CEP63: variants seen among roughly 807,000 people sequenced by gnomAD.
The protein encoded by CEP63 is centrosomal protein of 63 kDa.
A neutral mutation model predicts 89.1 loss-of-function variants in CEP63; 84 were observed. The ratio of observed to expected loss-of-function variants is 0.94; its 90% CI spans 0.79 to 1.13. The LOEUF (loss-of-function observed/expected upper bound fraction) is 1.13, where lower values mean the gene tolerates loss of function less well. CEP63 is among the 50% of genes most tolerant of loss of function. The probability of loss-of-function intolerance (pLI) is 0.00; values close to 1 mark genes in which losing one functional copy is unlikely to be tolerated. For synonymous variants in CEP63, 267 were observed against 272.5 expected (o/e 0.98, Z 0.20); for missense variants, 838 against 813.3 (o/e 1.03, Z -0.37).
chr3:134,528,484 T>G (rs1361244509), intron 3 of CEP63, among the ~76,000 whole-genome samples: 1 of 152,176 alleles, frequency 6.6e-6, no homozygotes, highest in Admixed American at 6.5e-5. Context: ...TTTTTATAAT[T>G]CTGCAGGTGG....
chr3:134,742,407 G>T, the CEP63 span, among the ~76,000 whole-genome samples: 2 of 152,134 alleles, frequency 1.3e-5, no homozygotes, highest in Non-Finnish European at 2.9e-5. Flanking sequence ...ACCAGGAGAG[G>T]AAAGTAAGAG....
the CEP63 span, among the ~76,000 whole-genome samples, chr3:134,760,900 A>G: frequency 4.5e-3 from 681 of 152,246 alleles, 4 homozygotes; most frequent in African/African-American, 0.016. Context: ...TTAGTACCTC[A>G]GTGCCCACAG....
the CEP63 span, among the ~76,000 whole-genome samples, chr3:134,713,957 G>A: frequency 1.3e-5 from 2 of 152,194 alleles, no homozygotes; most frequent in African/African-American, 4.8e-5. Context: ...ACTGTCCGAG[G>A]CTGGATCCGC....
At chr3:134,539,366 C>CTA (rs775290078) in intron 6 of CEP63, among the ~76,000 whole-genome samples, 28 of 152,280 alleles carry the variant, frequency 1.8e-4, no homozygotes, top group Admixed American at 5.2e-4. Context: ...AACTGAAACT[C>CTA]TATACCATTC....
chr3:134,691,553 G>A, the CEP63 span, among the ~76,000 whole-genome samples: 1 of 151,954 alleles, frequency 6.6e-6, no homozygotes. Context: ...AGGAGGCAGA[G>A]GTTGCAGTGA....
chr3:134,606,991 T>A, the CEP63 span: 1 of 983,900 alleles, frequency 1.0e-6, no homozygotes, highest in Non-Finnish European at 1.2e-6. Flanking sequence ...AAATACTCTG[T>A]ACATAAGTAT....
At chr3:134,660,523 C>T in the CEP63 span, among the ~76,000 whole-genome samples, 2 of 152,166 alleles carry the variant, frequency 1.3e-5, no homozygotes, top group African/African-American at 2.4e-5. Context: ...TCATTATTTG[C>T]CCCCAAGGAT....
In CEP63 at chr3:134,550,112, A is replaced by C. The variant is rs754947264; in HGVS notation, c.1232A>C (p.Glu411Ala). ...QGEQSYSSAL[E>A]GMKMEISHLT... ...GAACAAAGTTACAGTTCTGCACTAG[A>C]AGGAATGAAGATGGAAATCTCCCAT... Residue 411 changes from glutamate (E) to alanine (A), a missense_variant, in exon 11 of 15, where the codon GAA becomes GCA. Transcript: ENST00000675561. 2 of 1,614,032 alleles carry C rather than the reference A, an allele frequency of 1.2e-6. No individual in the cohort carries two copies. The highest frequency in any genetic ancestry group is 1.7e-6 in the Non-Finnish European group (2 of 1,179,910).
the CEP63 span, among the ~76,000 whole-genome samples, chr3:134,729,439 A>T: frequency 1.3e-5 from 2 of 152,232 alleles, no homozygotes; most frequent in Non-Finnish European, 2.9e-5. Context: ...GCTCATTTTT[A>T]ATGCCTGCAT....
Position 134,587,565 on chromosome 3 carries a change from G to A in CEP63, c.1314G>A (p.Pro438=), listed in dbSNP as rs538609781. 3.2e-4 allele frequency among the ~76,000 whole-genome samples: 48 copies of A among 152,214 alleles called. No homozygotes were observed. In the South Asian group the frequency reaches 5.4e-3, roughly 17 times the overall value. The change falls in exon 11 of 11, where the codon CCG becomes CCA. Residue 438 remains proline (P), a synonymous_variant. Coordinates refer to the CEP63 transcript ENST00000683931. ...AATATTGCTGCCTGATCCTTCCCCC[G>A]GAAGCTTCATCCCAGAGGGGCACCT... is the stretch of plus-strand genomic sequence containing the variant.
chr3:134,506,973 A>G (rs1943618195), intron 2 of CEP63, 136 bp from the exon 3 acceptor site: 1 of 540,368 alleles, frequency 1.9e-6, no homozygotes, highest in Non-Finnish European at 3.3e-6. Context: ...TGCTTCTGGT[A>G]ATTTATTAAT....
At chr3:134,612,272 C>T in the CEP63 span, among the ~76,000 whole-genome samples, 2 of 152,174 alleles carry the variant, frequency 1.3e-5, no homozygotes, top group African/African-American at 2.4e-5. Context: ...GGACAGACTG[C>T]AAGAGAAACT....
the CEP63 span, chr3:134,608,519 T>C: frequency 6.3e-7 from 1 of 1,579,730 alleles, no homozygotes; most frequent in East Asian, 2.3e-5. Context: ...ACACAAGCTT[T>C]GTGCTAAGCT....
downstream of CEP63, among the ~76,000 whole-genome samples, chr3:134,567,230 A>G (rs77895637): frequency 9.7e-3 from 1,479 of 151,984 alleles, 43 homozygotes; most frequent in East Asian, 0.068. Context: ...AGAGATAGAA[A>G]ATAGATTGGT....
At chr3:134,534,540 G>A (rs1302974644) in intron 5 of CEP63, among the ~76,000 whole-genome samples, 2 of 152,010 alleles carry the variant, frequency 1.3e-5, no homozygotes, top group Non-Finnish European at 2.9e-5. Context: ...TCGGTCCTTA[G>A]CCAGCTTTTA....
the CEP63 span, among the ~76,000 whole-genome samples, chr3:134,652,581 C>G: frequency 2.0e-5 from 3 of 151,674 alleles, no homozygotes; most frequent in African/African-American, 7.3e-5. Context: ...TGGCTGACTT[C>G]CAAGGCAGGT....
At chr3:134,752,748 A>C in the CEP63 span, among the ~76,000 whole-genome samples, 1 of 152,188 alleles carries the variant, frequency 6.6e-6, no homozygotes. Context: ...ATCCGGGGAG[A>C]AAATTACATG....
the CEP63 span, among the ~76,000 whole-genome samples, chr3:134,635,704 C>G: frequency 6.6e-6 from 1 of 151,942 alleles, no homozygotes; most frequent in Non-Finnish European, 1.5e-5. Flanking sequence ...CAGAACTACA[C>G]ACTACAAACA....
At chr3:134,569,602 C>T (rs774312402), downstream of CEP63, among the ~76,000 whole-genome samples, 18 of 152,214 alleles carry the variant, frequency 1.2e-4, no homozygotes, top group Non-Finnish European at 2.2e-4. Context: ...TTGCATGGTA[C>T]AGCCTCTCTC....
Sources: allele counts gnomAD v4.1 joint callset (sites outside exome capture counted in the v4.1 genomes callset), GRCh38; gene constraint gnomAD v4.1.1; transcripts MANE v1.5; gene names NCBI Gene and HGNC (gene_info 2026-07-23, HGNC 2026-07-21).